The following TAB2 variants were observed in gnomAD, a reference collection of about 807,000 sequenced individuals.
TAB2 encodes TGF-beta activated kinase 1 (MAP3K7) binding protein 2.
In TAB2, 3 loss-of-function variants were observed where a neutral mutation model predicts 65.0. The ratio of observed to expected loss-of-function variants is 0.05; its 90% CI spans 0.02 to 0.12. The LOEUF is 0.12. Ranked by LOEUF, TAB2 falls within the 10% of genes least tolerant of loss-of-function variation. The pLI, the probability that TAB2 is intolerant of heterozygous loss-of-function variation, is 1.00. For missense variants in TAB2, 623 were observed against 840.3 expected, an observed-to-expected ratio of 0.74 and a Z score of 3.20; for synonymous variants, 298 against 285.1, an observed-to-expected ratio of 1.05 and a Z score of -0.46.
chr6:149,403,245 AAAATATATATATATATATATATATATAT>A (rs1782507923), intron 6 of TAB2, among the ~76,000 whole-genome samples: 1 of 47,196 alleles, frequency 2.1e-5, no homozygotes, highest in East Asian at 9.9e-4. Context: ...AAAAAAAAAA[AAAATATATATATATATATATATATATAT>A]ATATATATAT....
At chr6:149,272,520 G>A (rs192985613) in intron 1 of TAB2, among the ~76,000 whole-genome samples, 4 of 152,176 alleles carry the variant, frequency 2.6e-5, no homozygotes, top group East Asian at 1.9e-4. Flanking sequence ...CAATTACATC[G>A]CTCCAACCTC....
chr6:149,238,507 C>T (rs1777539831), intron 1 of TAB2, among the ~76,000 whole-genome samples: 1 of 152,170 alleles, frequency 6.6e-6, no homozygotes, highest in South Asian at 2.1e-4. Context: ...CATGTTCTGG[C>T]CCAGTGGCTC....
chr6:149,357,632 A>G (rs376622034), intron 1 of TAB2, among the ~76,000 whole-genome samples: 5 of 152,204 alleles, frequency 3.3e-5, no homozygotes, highest in Admixed American at 2.0e-4. Context: ...ACTTTACAAC[A>G]TTTAACTTGT....
intron 1 of TAB2, chr6:149,244,360 G>A (rs1777659587): frequency 6.6e-6 from 1 of 152,276 alleles, no homozygotes; most frequent in Admixed American, 6.5e-5. Flanking sequence ...GTGGAGGGTG[G>A]GTGGATAGGG....
chr6:149,325,385 A>G (rs532250), intron 1 of TAB2, among the ~76,000 whole-genome samples: 18,513 of 152,278 alleles, frequency 0.12, 1,736 homozygotes, highest in East Asian at 0.51. Context: ...TCTTCAAGGT[A>G]TCTGTCCACT....
intron 6 of TAB2, among the ~76,000 whole-genome samples, chr6:149,405,611 C>A (rs1168128436): frequency 6.6e-6 from 1 of 152,076 alleles, no homozygotes; most frequent in African/African-American, 2.4e-5. Flanking sequence ...CATGGGTGAA[C>A]CTGGAGGATG....
chr6:149,236,924 G>C (rs1186511756), intron 1 of TAB2, among the ~76,000 whole-genome samples: 3 of 152,212 alleles, frequency 2.0e-5, no homozygotes, highest in African/African-American at 7.2e-5. Context: ...TTTGTTGTAA[G>C]ACTGATATTT....
chr6:149,390,675 AGCCCTGGT>A (rs1254880267), intron 3 of TAB2, among the ~76,000 whole-genome samples: 1 of 152,210 alleles, frequency 6.6e-6, no homozygotes, highest in African/African-American at 2.4e-5. Flanking sequence ...GTGGTTTAAG[AGCCCTGGT>A]GCTTGAATTC....
At chr6:149,408,887 T>A (rs1782752311) in intron 6 of TAB2, among the ~76,000 whole-genome samples, 2 of 152,218 alleles carry the variant, frequency 1.3e-5, no homozygotes, top group Non-Finnish European at 2.9e-5. Flanking sequence ...TGTATATGAT[T>A]TATCTGAGAT....
At chr6:149,332,011 G>C (rs1001024779) in intron 1 of TAB2, among the ~76,000 whole-genome samples, 1 of 152,182 alleles carries the variant, frequency 6.6e-6, no homozygotes, top group Non-Finnish European at 1.5e-5. Flanking sequence ...CTCTGTGTGG[G>C]AAGGAATTGC....
At chr6:149,377,148 C>T (rs561228050) in intron 2 of TAB2, among the ~76,000 whole-genome samples, 1 of 150,620 alleles carries the variant, frequency 6.6e-6, no homozygotes, top group Non-Finnish European at 1.5e-5. Context: ...CGGCTCACTG[C>T]AAGCTCCGCC....
chr6:149,293,353 T>C (rs1778811200), intron 1 of TAB2, among the ~76,000 whole-genome samples: 1 of 152,240 alleles, frequency 6.6e-6, no homozygotes, highest in Non-Finnish European at 1.5e-5. Context: ...TTTTTATCCT[T>C]GAGAGAAGGC....
intron 1 of TAB2, among the ~76,000 whole-genome samples, chr6:149,276,851 G>A (rs1009524917): frequency 3.3e-5 from 5 of 152,112 alleles, no homozygotes; most frequent in Admixed American, 2.6e-4. Context: ...ATATGGTTTG[G>A]CTGTGTCCCC....
At chr6:149,299,328 T>C (rs1283574339) in intron 1 of TAB2, among the ~76,000 whole-genome samples, 1 of 152,096 alleles carries the variant, frequency 6.6e-6, no homozygotes, top group African/African-American at 2.4e-5. Context: ...TCCCAGCACT[T>C]TGGGAGGCTG....
At chr6:149,312,920 GC>G (rs1457535523), upstream of TAB2, among the ~76,000 whole-genome samples, 2 of 152,044 alleles carry the variant, frequency 1.3e-5, no homozygotes, top group African/African-American at 4.8e-5. Context: ...TCACCATGTT[GC>G]ATAATAAATC....
At position 149,239,756 on chromosome 6, in the gene TAB2, A is replaced by G. The variant is rs191060997; in HGVS notation, c.-121+20980A>G. 1.4e-3 allele frequency among the ~76,000 whole-genome samples: 220 copies of G among 152,318 alleles called. 1 individual carries two copies. The highest frequency in any genetic ancestry group is 2.3e-3 in the Non-Finnish European group (155 of 68,030). Reference sequence around the variant, plus strand: ...AAGTGTGAGTTCTCACTCAACAAATACTTCTTGAGCACCTATATGTGCCAG... The same window carrying G: ...AAGTGTGAGTTCTCACTCAACAAATGCTTCTTGAGCACCTATATGTGCCAG... On this transcript the variant is annotated intron_variant, in intron 1 of 1. Transcript: ENST00000606202.
chr6:149,306,557 C>CAAAAAAAAAAAAAAAAA (rs58001933), intron 1 of TAB2, among the ~76,000 whole-genome samples: 1 of 108,610 alleles, frequency 9.2e-6, no homozygotes. Context: ...GACTCCGTCT[C>CAAAAAAAAAAAAAAAAA]AAAAAAAAAA....
chr6:149,225,145 A>T (rs1198324936), intron 1 of TAB2, among the ~76,000 whole-genome samples: 1 of 152,246 alleles, frequency 6.6e-6, no homozygotes, highest in Non-Finnish European at 1.5e-5. Context: ...CTCTGCTTTC[A>T]GGAGCTTATA....
chr6:149,294,406 A>T (rs1168605185), intron 1 of TAB2, among the ~76,000 whole-genome samples: 1 of 152,202 alleles, frequency 6.6e-6, no homozygotes, highest in Non-Finnish European at 1.5e-5. Flanking sequence ...TAATGGCCTC[A>T]TTTTAACTTT....
Sources: allele counts gnomAD v4.1 joint callset (sites outside exome capture counted in the v4.1 genomes callset), GRCh38; gene constraint gnomAD v4.1.1; transcripts MANE v1.5; gene names NCBI Gene and HGNC (gene_info 2026-07-23, HGNC 2026-07-21).